SLC9C2: variants seen among roughly 807,000 people sequenced by gnomAD.
SLC9C2 encodes the protein sodium/hydrogen exchanger 11.
In SLC9C2, 75 loss-of-function variants were observed where a neutral mutation model predicts 140.2. The observed-to-expected ratio is 0.53, with a 90% CI of 0.44 to 0.65. The LOEUF is 0.65. Among genes scored for constraint, SLC9C2 ranks in the 30% least tolerant of loss-of-function variants. The pLI, the probability that SLC9C2 is intolerant of heterozygous loss-of-function variation, is 0.00. For synonymous variants in SLC9C2, 375 were observed against 420.9 expected, an observed-to-expected ratio of 0.89 and a Z score of 1.34; for missense variants, 1,074 against 1,331.8, an observed-to-expected ratio of 0.81 and a Z score of 3.01.
chr1:173,590,751 T>G (rs542823966), intron 4 of SLC9C2, among the ~76,000 whole-genome samples: 3 of 152,124 alleles, frequency 2.0e-5, no homozygotes, highest in African/African-American at 7.2e-5. Context: ...AGATAATGTA[T>G]ACACAGTGGG....
Position 173,534,498 on chromosome 1 carries a change from C to A in SLC9C2, c.1960G>T (p.Glu654Ter). 2 of 1,575,892 alleles carry A rather than the reference C, an allele frequency of 1.3e-6. No individual in the cohort carries two copies. The highest frequency in any genetic ancestry group is 2.4e-5 in the South Asian group (2 of 82,948). ...TTAAACAGTACCTTCAATGTTGATT[C>A]TAATACATATAAAAACATAAAATAG... ...NYYFMFLYVL[E>*]STLKIIILKR... The change falls in exon 16 of 28, where the codon GAA becomes TAA. Residue 654 changes from glutamate (E) to a stop codon, truncating the protein, a stop_gained. Transcript: ENST00000367714. LOFTEE classifies it high-confidence loss of function.
intron 7 of SLC9C2, among the ~76,000 whole-genome samples, chr1:173,580,203 A>C (rs1341853145): frequency 1.3e-5 from 2 of 152,156 alleles, no homozygotes; most frequent in African/African-American, 4.8e-5. Context: ...CGAGCTCTCA[A>C]CATAATGTCA....
intron 5 of SLC9C2, among the ~76,000 whole-genome samples, chr1:173,587,289 T>A (rs6425251): frequency 2.0e-5 from 3 of 151,962 alleles, no homozygotes; most frequent in East Asian, 3.9e-4. Flanking sequence ...GAATAGTCTC[T>A]TTAGGGATCT....
intron 25 of SLC9C2, among the ~76,000 whole-genome samples, chr1:173,505,634 C>T (rs12037210): frequency 0.2 from 29,800 of 152,054 alleles, 4,185 homozygotes; most frequent in East Asian, 0.64. Flanking sequence ...TACTCCTACA[C>T]TGATGCTCAA....
intron 21 of SLC9C2, among the ~76,000 whole-genome samples, chr1:173,522,838 G>A (rs1178646808): frequency 2.0e-5 from 3 of 152,098 alleles, no homozygotes; most frequent in Non-Finnish European, 4.4e-5. Flanking sequence ...GGGCCTCCTT[G>A]CACCCACTAC....
chr1:173,591,615 C>G (rs57609710), intron 4 of SLC9C2, among the ~76,000 whole-genome samples: 24,117 of 152,044 alleles, frequency 0.16, 6,361 homozygotes, highest in African/African-American at 0.55. Flanking sequence ...ATTTGCATAT[C>G]TCTATTATCA....
intron 4 of SLC9C2, among the ~76,000 whole-genome samples, chr1:173,591,081 C>T (rs1474481197): frequency 2.0e-5 from 3 of 151,990 alleles, no homozygotes; most frequent in Admixed American, 1.3e-4. Context: ...CTCTTTGTGT[C>T]CATGAGTTCT....
chr1:173,563,640 G>A (rs2102136082), intron 9 of SLC9C2, among the ~76,000 whole-genome samples: 1 of 152,276 alleles, frequency 6.6e-6, no homozygotes, highest in South Asian at 2.1e-4. Context: ...GGCATGCAAT[G>A]CATAATAATG....
chr1:173,543,656 A>C (rs1239257136), intron 13 of SLC9C2, among the ~76,000 whole-genome samples: 1 of 152,110 alleles, frequency 6.6e-6, no homozygotes, highest in Non-Finnish European at 1.5e-5. Flanking sequence ...CCAAAACAGA[A>C]GTATAGACCA....
Position 173,548,443 on chromosome 1 carries a change from C to A in SLC9C2, c.1407G>T (p.Leu469Phe). 1 of 1,613,668 alleles carries A rather than the reference C, an allele frequency of 6.2e-7. No homozygotes were observed. The highest frequency in any genetic ancestry group is 1.1e-5 in the South Asian group (1 of 91,010). The change falls in exon 12 of 28, where the codon TTG (leucine) becomes TTT (phenylalanine). Residue 469 changes from leucine (L) to phenylalanine (F), a missense_variant. By Grantham distance (22) the Leu-to-Phe change is conservative. Transcript: ENST00000367714. ...TITLFKTEKI[L>F]TNVNWTLVED... ...CTACTAAGGTCCAGTTAACATTTGT[C>A]AAAATTTTTTCTGTTTTAAATAAAG...
chr1:173,589,746 A>AAATGC (rs1666051903), intron 4 of SLC9C2, among the ~76,000 whole-genome samples: 1 of 152,224 alleles, frequency 6.6e-6, no homozygotes, highest in South Asian at 2.1e-4. Flanking sequence ...TTATAACATT[A>AAATGC]AATGCATATA....
intron 4 of SLC9C2, among the ~76,000 whole-genome samples, chr1:173,595,138 A>G (rs1666371241): frequency 6.6e-6 from 1 of 152,158 alleles, no homozygotes; most frequent in African/African-American, 2.4e-5. Context: ...TTGGCCTCCC[A>G]AAGTGCTGAG....
chr1:173,580,651 C>G (rs1325018709), intron 7 of SLC9C2, among the ~76,000 whole-genome samples: 1 of 152,188 alleles, frequency 6.6e-6, no homozygotes, highest in African/African-American at 2.4e-5. Context: ...CTGCACCCAG[C>G]CTATCATACC....
intron 7 of SLC9C2, 79 bp downstream of exon 7, chr1:173,581,768 G>T: frequency 1.6e-6 from 2 of 1,234,662 alleles, no homozygotes; most frequent in South Asian, 2.2e-5. Context: ...AGAAGCAACT[G>T]GATTCAAGAT....
intron 6 of SLC9C2, among the ~76,000 whole-genome samples, chr1:173,582,904 C>T (rs955144678): frequency 3.3e-5 from 5 of 152,176 alleles, no homozygotes; most frequent in African/African-American, 1.2e-4. Context: ...CAGATTGATC[C>T]AGTAAAGAAG....
Position 173,509,588 on chromosome 1 carries a change from C to A in SLC9C2, c.3019G>T (p.Glu1007Ter). ...LALSTAYQYF[E>*]SSLIDEDLRF... ...CTTACCTCATCAATAAGACTTGATT[C>A]AAAATACTGATAGGCAGTACTGAGA... is the stretch of plus-strand genomic sequence containing the variant. Residue 1007 changes from glutamate (E) to a stop codon, truncating the protein, a stop_gained, in exon 24 of 28, where the codon GAA (glutamate) becomes TAA (stop). Transcript: ENST00000367714. LOFTEE classifies it high-confidence loss of function. The A allele has an allele frequency of 6.4e-7, 1 of 1,571,906 alleles. No individual in the cohort carries two copies. The highest frequency in any genetic ancestry group is 1.2e-5 in the South Asian group (1 of 83,114).
At chr1:173,573,948 T>C (rs1664998734) in intron 8 of SLC9C2, among the ~76,000 whole-genome samples, 1 of 152,206 alleles carries the variant, frequency 6.6e-6, no homozygotes, top group Non-Finnish European at 1.5e-5. Context: ...TGCACTAATG[T>C]AGTTTTTAAG....
chr1:173,537,898 T>C (rs1011291104), intron 13 of SLC9C2, among the ~76,000 whole-genome samples: 1 of 152,230 alleles, frequency 6.6e-6, no homozygotes, highest in African/African-American at 2.4e-5. Flanking sequence ...CTCCTGGAAC[T>C]GCTGCCTACA....
At chr1:173,564,848 A>T (rs1193348978) in intron 9 of SLC9C2, among the ~76,000 whole-genome samples, 13 of 151,478 alleles carry the variant, frequency 8.6e-5, no homozygotes, top group African/African-American at 3.1e-4. Context: ...CCTGTTAGCC[A>T]GGATGGTCTC....
Sources: gnomAD v4.1 joint callset for allele counts (sites outside exome capture counted in the v4.1 genomes callset) on GRCh38, gnomAD v4.1.1 for gene constraint, MANE v1.5 for transcripts, NCBI Gene and HGNC (gene_info 2026-07-23, HGNC 2026-07-21) for gene names.